Variants in RIN3 observed in about 807,000 individuals in gnomAD.
RIN3 encodes RAB5 interacting protein 3.
A neutral mutation model predicts 76.3 loss-of-function variants in RIN3; 54 were observed. That is an observed-to-expected ratio of 0.71 (90% CI 0.57 to 0.89). The LOEUF (loss-of-function observed/expected upper bound fraction) is 0.89, where lower values mean the gene tolerates loss of function less well. Ranked by LOEUF, RIN3 falls within the 40% of genes least tolerant of loss-of-function variation. RIN3 has a pLI of 0.00. For synonymous variants in RIN3, 576 were observed against 564.0 expected, an observed-to-expected ratio of 1.02 and a Z score of -0.30; for missense variants, 1,256 against 1,322.1, an observed-to-expected ratio of 0.95 and a Z score of 0.78.
chr14:92,599,981 T>C (rs1447489447), intron 3 of RIN3, among the ~76,000 whole-genome samples: 2 of 152,140 alleles, frequency 1.3e-5, no homozygotes, highest in African/African-American at 4.8e-5. Flanking sequence ...GAGAGACTTC[T>C]CTTTGCAGCC....
rs138145436 is a variant in RIN3, at chr14:92,665,308, G to T, written c.2335+5839G>T. 1.7e-4 allele frequency among the ~76,000 whole-genome samples: 25 copies of T among 151,488 alleles called. No homozygotes were observed. The East Asian group carries it at 4.9e-3, about 29-fold the overall frequency. On this transcript the variant is annotated intron_variant, in intron 7 of 9. Transcript: ENST00000216487. Reference sequence around the variant, plus strand: ...CTCATGGAACCACCGTCATATACGTGGTCCATCATTGACCAAAAGTTCATT... The same window carrying T: ...CTCATGGAACCACCGTCATATACGTTGTCCATCATTGACCAAAAGTTCATT...
rs372580130 is a variant in RIN3, at chr14:92,641,348, G to T, written c.532+19G>T. The T allele has an allele frequency of 6.3e-7, 1 of 1,592,890 alleles. No individual in the cohort carries two copies. The highest frequency in any genetic ancestry group is 1.3e-5 in the African/African-American group (1 of 74,458). ...GGTCTGGGTGAGTCTTCTCCGAGGG[G>T]TTAGGGGAGCTGGTGGGGCGTTAGG... is the stretch of plus-strand genomic sequence containing the variant. On this transcript the variant is annotated intron_variant, in intron 5 of 9. Transcript: ENST00000216487.
intron 3 of RIN3, among the ~76,000 whole-genome samples, chr14:92,580,709 T>C (rs1281856901): frequency 6.6e-6 from 1 of 152,228 alleles, no homozygotes; most frequent in African/African-American, 2.4e-5. Context: ...AGCCTCCAGT[T>C]TCCTAGGACT....
intron 9 of RIN3, chr14:92,686,218 G>C (rs1888854271): frequency 6.6e-6 from 1 of 152,296 alleles, no homozygotes. Flanking sequence ...GGAGACAGGA[G>C]GCTTGAGTTC....
At chr14:92,532,399 A>G (rs1896904400) in intron 1 of RIN3, among the ~76,000 whole-genome samples, 1 of 152,038 alleles carries the variant, frequency 6.6e-6, no homozygotes, top group African/African-American at 2.4e-5. Context: ...CTCTTTATTG[A>G]GCCATTGTTA....
At chr14:92,676,030 G>A (rs545556550) in intron 7 of RIN3, among the ~76,000 whole-genome samples, 54 of 152,230 alleles carry the variant, frequency 3.5e-4, no homozygotes, top group South Asian at 3.1e-3. Flanking sequence ...TTCAGGTCTC[G>A]TAGTGTCTGG....
intron 1 of RIN3, among the ~76,000 whole-genome samples, chr14:92,553,410 G>T (rs776810812): frequency 3.3e-4 from 50 of 152,124 alleles, no homozygotes; most frequent in Non-Finnish European, 5.9e-4. Context: ...TTTCCCAGAC[G>T]AGATGCTGGG....
Position 92,639,355 on chromosome 14 carries a change from GAGGGTAGAACAGGTTGTGA to G in RIN3, c.441-1880_441-1862del, listed in dbSNP as rs112279429. On this transcript the variant is annotated intron_variant, in intron 4 of 9. Coordinates refer to ENST00000216487, the MANE Select transcript of RIN3 (RefSeq NM_024832.5). ...GAAGGTGGACGAAGTGTGAGCAAGG[GAGGGTAGAACAGGTTGTGA>G]AGAAAATAGTGGTGGCTGCCAGGTC... Among the ~76,000 whole-genome samples, 1,351 of 152,368 alleles carry G rather than the reference GAGGGTAGAACAGGTTGTGA, an allele frequency of 8.9e-3. 19 individuals carry two copies. Among genetic ancestry groups the G allele is most frequent in the African/African-American group, 0.031 (1,279 of 41,588 alleles).
In RIN3 at chr14:92,651,565, C is replaced by G. The variant is rs749519704; in HGVS notation, c.533-17C>G. 2 of 1,580,486 alleles carry G rather than the reference C, an allele frequency of 1.3e-6. No homozygotes were observed. The highest frequency in any genetic ancestry group is 1.8e-4 in the Middle Eastern group (1 of 5,680). ...CCTGGCACAGACTGACCCCCTGCCC[C>G]TCTCTTGCTTCCACAGGTTTCTGGG... On this transcript the variant is annotated splice_polypyrimidine_tract_variant and intron_variant, in intron 5 of 9. Transcript: ENST00000216487.
chr14:92,560,019 C>A (rs980136625), intron 2 of RIN3, among the ~76,000 whole-genome samples: 1 of 152,206 alleles, frequency 6.6e-6, no homozygotes, highest in African/African-American at 2.4e-5. Context: ...ACTGACAAAG[C>A]CAGGCTAGGT....
intron 7 of RIN3, among the ~76,000 whole-genome samples, chr14:92,672,413 C>T (rs1442517930): frequency 2.0e-5 from 3 of 151,860 alleles, no homozygotes; most frequent in African/African-American, 7.3e-5. Context: ...ACTCCTTCTA[C>T]AAAAAAGAAA....
chr14:92,570,932 A>G (rs751146490), intron 2 of RIN3, among the ~76,000 whole-genome samples: 2 of 152,232 alleles, frequency 1.3e-5, no homozygotes, highest in Non-Finnish European at 2.9e-5. Flanking sequence ...TGTTAAATTA[A>G]GTTTAGCCTA....
chr14:92,545,073 G>C (rs1252518422), intron 1 of RIN3, among the ~76,000 whole-genome samples: 3 of 141,298 alleles, frequency 2.1e-5, no homozygotes, highest in African/African-American at 7.9e-5. Flanking sequence ...TTGTTTGATT[G>C]CTTTTTAAAA....
At chr14:92,581,314 C>T (rs1284891216) in intron 3 of RIN3, among the ~76,000 whole-genome samples, 1 of 152,170 alleles carries the variant, frequency 6.6e-6, no homozygotes, top group African/African-American at 2.4e-5. Context: ...CTGTCTCTTA[C>T]TAAGAGCAAC....
At chr14:92,627,132 G>T (rs74072997) in intron 4 of RIN3, among the ~76,000 whole-genome samples, 1 of 152,080 alleles carries the variant, frequency 6.6e-6, no homozygotes, top group East Asian at 1.9e-4. Flanking sequence ...GACTATCCCC[G>T]TCCTTACCTT....
intron 1 of RIN3, among the ~76,000 whole-genome samples, chr14:92,540,606 T>C (rs1415346717): frequency 6.6e-6 from 1 of 152,224 alleles, no homozygotes; most frequent in East Asian, 1.9e-4. Flanking sequence ...AACTGTGTTT[T>C]TGTTTCTGTA....
intron 3 of RIN3, among the ~76,000 whole-genome samples, chr14:92,578,069 C>T (rs1303869418): frequency 6.6e-6 from 1 of 151,850 alleles, no homozygotes; most frequent in African/African-American, 2.4e-5. Context: ...GAAAGACCCC[C>T]TCTCTACAAA....
chr14:92,664,533 A>ATTT (rs58967829), intron 7 of RIN3, among the ~76,000 whole-genome samples: 129 of 147,532 alleles, frequency 8.7e-4, no homozygotes, highest in African/African-American at 2.3e-3. Context: ...ATGCCCAGCT[A>ATTT]TTTTTTTTTT....
At chr14:92,613,144 G>T (rs1024712355) in intron 3 of RIN3, among the ~76,000 whole-genome samples, 3 of 152,200 alleles carry the variant, frequency 2.0e-5, no homozygotes, top group African/African-American at 4.8e-5. Flanking sequence ...CCTGAGGAAG[G>T]TCCTTCCTTC....
Sources: allele counts gnomAD v4.1 joint callset (sites outside exome capture counted in the v4.1 genomes callset), GRCh38; gene constraint gnomAD v4.1.1; transcripts MANE v1.5; gene names NCBI Gene and HGNC (gene_info 2026-07-23, HGNC 2026-07-21).